SLC44A5: variants seen among roughly 807,000 people sequenced by gnomAD.
SLC44A5 encodes the protein solute carrier family 44 member 5, also known as choline transporter-like protein 5.
SLC44A5 carries 57 observed loss-of-function variants against 101.8 expected under a neutral mutation model. The ratio of observed to expected loss-of-function variants is 0.56; its 90% CI spans 0.45 to 0.70. The LOEUF is 0.70. SLC44A5 is among the 30% of genes least tolerant of loss of function. The pLI, the probability that SLC44A5 is intolerant of heterozygous loss-of-function variation, is 0.00. For synonymous variants in SLC44A5, 281 were observed against 290.9 expected (o/e 0.97, Z 0.35); for missense variants, 737 against 853.1 (o/e 0.86, Z 1.70).
intron 4 of SLC44A5, among the ~76,000 whole-genome samples, chr1:75,334,790 TA>T (rs1657313620): frequency 6.6e-6 from 1 of 152,148 alleles, no homozygotes; most frequent in Non-Finnish European, 1.5e-5. Flanking sequence ...AACACCTATA[TA>T]AAGGGGACAT....
chr1:75,480,180 A>C lies in SLC44A5; in HGVS notation c.13+61255T>G, dbSNP rs1245836676. 2.6e-5 allele frequency among the ~76,000 whole-genome samples: 4 copies of C among 152,240 alleles called. No individual in the cohort carries two copies. The South Asian group carries it at 8.3e-4, about 31-fold the overall frequency. On this transcript the variant is annotated intron_variant, in intron 2 of 23. Coordinates refer to ENST00000370859, the MANE Select transcript of SLC44A5 (RefSeq NM_001130058.2). ...ATGATTATCTCAATAGATGCAGAAAAGGCCTTTGACAAAATTCAACAATAC... is the reference window on the plus strand; with the variant it reads ...ATGATTATCTCAATAGATGCAGAAACGGCCTTTGACAAAATTCAACAATAC...
intron 3 of SLC44A5, among the ~76,000 whole-genome samples, chr1:75,349,324 G>A (rs2101063015): frequency 6.6e-6 from 1 of 152,224 alleles, no homozygotes; most frequent in Non-Finnish European, 1.5e-5. Context: ...GGGAAACAGA[G>A]CGAGACTCCA....
Position 75,510,129 on chromosome 1 carries a change from A to G in SLC44A5, c.13+31306T>C, listed in dbSNP as rs549970232. Among the ~76,000 whole-genome samples the G allele has an allele frequency of 4.6e-5, 7 of 152,220 alleles. 1 individual carries two copies. Among genetic ancestry groups the G allele is most frequent in the Middle Eastern group, 3.4e-3 (1 of 294 alleles). The stretch of plus-strand genomic sequence containing the variant: ...CACCTCCATGATTCAATTACCTCCC[A>G]CTGGGTCCCTCCCATGAGACATGAG... On this transcript the variant is annotated intron_variant, in intron 2 of 23. Coordinates refer to ENST00000370859, the MANE Select transcript of SLC44A5 (RefSeq NM_001130058.2).
intron 4 of SLC44A5, among the ~76,000 whole-genome samples, chr1:75,336,376 A>C (rs2101020018): frequency 6.6e-6 from 1 of 152,122 alleles, no homozygotes; most frequent in African/African-American, 2.4e-5. Context: ...CTGGTTTCCA[A>C]CTTCTGGCCT....
the SLC44A5 span, among the ~76,000 whole-genome samples, chr1:75,631,959 C>T: frequency 1.3e-5 from 2 of 152,144 alleles, no homozygotes; most frequent in Non-Finnish European, 2.9e-5. Flanking sequence ...AGCCACCCTG[C>T]CTGGACAGTA....
intron 2 of SLC44A5, among the ~76,000 whole-genome samples, chr1:75,420,464 T>G (rs942933861): frequency 2.0e-5 from 3 of 152,130 alleles, no homozygotes; most frequent in African/African-American, 7.2e-5. Flanking sequence ...GAAACCCAAC[T>G]CCACTGATAA....
chr1:75,229,406 T>C (rs1218637237), intron 12 of SLC44A5, among the ~76,000 whole-genome samples: 1 of 152,122 alleles, frequency 6.6e-6, no homozygotes, highest in Non-Finnish European at 1.5e-5. Flanking sequence ...CCTCATCTCC[T>C]ACTATTTTTT....
At chr1:75,721,750 T>A in the SLC44A5 span, among the ~76,000 whole-genome samples, 1 of 152,202 alleles carries the variant, frequency 6.6e-6, no homozygotes, top group Non-Finnish European at 1.5e-5. Flanking sequence ...TGACAACTGC[T>A]TGGTATCTTA....
intron 4 of SLC44A5, among the ~76,000 whole-genome samples, chr1:75,303,624 A>G (rs1367895434): frequency 6.6e-6 from 1 of 152,222 alleles, no homozygotes; most frequent in Non-Finnish European, 1.5e-5. Context: ...ATAGGGTTTT[A>G]CACTATAATT....
the SLC44A5 span, among the ~76,000 whole-genome samples, chr1:75,620,043 T>C: frequency 6.6e-6 from 1 of 152,172 alleles, no homozygotes; most frequent in Non-Finnish European, 1.5e-5. Context: ...CCGTGTGTTC[T>C]TATTGTTCAA....
chr1:75,336,551 G>A (rs1657459976), intron 4 of SLC44A5, among the ~76,000 whole-genome samples: 2 of 152,084 alleles, frequency 1.3e-5, no homozygotes, highest in African/African-American at 4.8e-5. Flanking sequence ...TAAAACAAAA[G>A]GAAACAAACT....
At chr1:75,296,396 A>T (rs1178735889) in intron 5 of SLC44A5, among the ~76,000 whole-genome samples, 1 of 149,504 alleles carries the variant, frequency 6.7e-6, no homozygotes, top group East Asian at 2.0e-4. Flanking sequence ...TTCCCTCCAA[A>T]TGTAAATACA....
intron 3 of SLC44A5, among the ~76,000 whole-genome samples, chr1:75,374,422 C>A (rs1184001522): frequency 6.6e-6 from 1 of 152,126 alleles, no homozygotes; most frequent in African/African-American, 2.4e-5. Context: ...TGGCACAGAC[C>A]ACACCTAAGA....
intron 3 of SLC44A5, among the ~76,000 whole-genome samples, chr1:75,376,414 C>A (rs1660615479): frequency 1.3e-5 from 2 of 152,242 alleles, no homozygotes; most frequent in East Asian, 3.9e-4. Flanking sequence ...ACAGCAGTAA[C>A]CTCTGCAGAC....
At chr1:75,549,895 A>G (rs1671845671) in intron 1 of SLC44A5, among the ~76,000 whole-genome samples, 1 of 152,156 alleles carries the variant, frequency 6.6e-6, no homozygotes, top group Non-Finnish European at 1.5e-5. Context: ...AACAGAGATC[A>G]GTATGGCTGG....
chr1:75,588,201 A>G (rs2102095903), intron 1 of SLC44A5, among the ~76,000 whole-genome samples: 1 of 149,646 alleles, frequency 6.7e-6, no homozygotes, highest in South Asian at 2.2e-4. Context: ...AGAAGGAAAG[A>G]AAGAAGGGAT....
chr1:75,631,209 C>A, the SLC44A5 span, among the ~76,000 whole-genome samples: 5 of 152,274 alleles, frequency 3.3e-5, no homozygotes, highest in East Asian at 7.7e-4. Context: ...TAGTTTAGAA[C>A]CTTGACCTTT....
intron 2 of SLC44A5, among the ~76,000 whole-genome samples, chr1:75,523,894 G>A (rs1292221661): frequency 6.6e-6 from 1 of 152,122 alleles, no homozygotes; most frequent in Non-Finnish European, 1.5e-5. Flanking sequence ...AGAATTTTCT[G>A]GGCCAAAATA....
intron 5 of SLC44A5, among the ~76,000 whole-genome samples, chr1:75,296,104 A>G (rs570972556): frequency 6.6e-6 from 1 of 152,222 alleles, no homozygotes; most frequent in Non-Finnish European, 1.5e-5. Flanking sequence ...TGGTATTTTC[A>G]GTTCCACTGT....
Sources: allele counts gnomAD v4.1 joint callset (sites outside exome capture counted in the v4.1 genomes callset), GRCh38; gene constraint gnomAD v4.1.1; transcripts MANE v1.5; gene names NCBI Gene and HGNC (gene_info 2026-07-23, HGNC 2026-07-21).